The following LTBP1 variants were observed in gnomAD, a reference collection of about 807,000 sequenced individuals.
LTBP1 encodes the protein latent transforming growth factor beta binding protein 1.
In LTBP1, 129 loss-of-function variants were observed where a neutral mutation model predicts 207.6. The ratio of observed to expected loss-of-function variants is 0.62; its 90% CI spans 0.54 to 0.72. The LOEUF (loss-of-function observed/expected upper bound fraction) is 0.72, where lower values mean the gene tolerates loss of function less well. LTBP1 is among the 30% of genes least tolerant of loss of function. LTBP1 has a pLI of 0.00. For missense variants in LTBP1, 2,281 were observed against 2,217.2 expected, an observed-to-expected ratio of 1.03 and a Z score of -0.58; for synonymous variants, 963 against 833.7, an observed-to-expected ratio of 1.16 and a Z score of -2.67.
At chr2:32,984,675 A>G (rs1389794742) in intron 2 of LTBP1, among the ~76,000 whole-genome samples, 1 of 151,684 alleles carries the variant, frequency 6.6e-6, no homozygotes, top group Non-Finnish European at 1.5e-5. Flanking sequence ...TAATCCCAGC[A>G]CTTTGGAGGC....
chr2:33,349,656 T>G (rs1390511882), intron 26 of LTBP1, among the ~76,000 whole-genome samples: 2 of 152,192 alleles, frequency 1.3e-5, no homozygotes, highest in African/African-American at 2.4e-5. Context: ...TTTTACAGTT[T>G]TTCTCAATTT....
intron 5 of LTBP1, among the ~76,000 whole-genome samples, chr2:33,148,718 T>C (rs1453008791): frequency 1.3e-5 from 2 of 152,214 alleles, no homozygotes; most frequent in African/African-American, 4.8e-5. Context: ...TCTGAAATAT[T>C]TGGTTCACAC....
intron 11 of LTBP1, among the ~76,000 whole-genome samples, chr2:33,254,851 GGTTTTTTTTTTTT>G (rs1429112888): frequency 2.4e-3 from 17 of 7,046 alleles, no homozygotes; most frequent in Non-Finnish European, 3.6e-3. Flanking sequence ...TGCGGTGTTT[GGTTTTTTTTTTTT>G]TTTTTTTTTT....
chr2:33,096,800 A>G (rs2079423345), intron 3 of LTBP1, among the ~76,000 whole-genome samples: 2 of 152,180 alleles, frequency 1.3e-5, no homozygotes, highest in Admixed American at 1.3e-4. Flanking sequence ...AGTTCTAGCT[A>G]CTCAGAAGGC....
chr2:33,256,710 G>T, intron 11 of LTBP1, among the ~76,000 whole-genome samples: 1 of 93,098 alleles, frequency 1.1e-5, no homozygotes, highest in Non-Finnish European at 2.1e-5. Context: ...GATATATATG[G>T]GATGGAGGGC....
intron 13 of LTBP1, among the ~76,000 whole-genome samples, chr2:33,261,424 A>C (rs1004660700): frequency 2.0e-5 from 3 of 152,240 alleles, no homozygotes; most frequent in Admixed American, 6.5e-5. Flanking sequence ...TTAAGTGCTC[A>C]GTATTTGTAG....
intron 2 of LTBP1, among the ~76,000 whole-genome samples, chr2:32,998,433 T>C (rs1685613998): frequency 7.1e-6 from 1 of 140,838 alleles, no homozygotes; most frequent in East Asian, 2.1e-4. Context: ...GGAGAATCGC[T>C]TGAACCCAGG....
Position 33,262,837 on chromosome 2 carries a change from C to T in LTBP1, c.2518+16C>T, listed in dbSNP as rs1007803581. On this transcript the variant is annotated intron_variant, in intron 14 of 33. Coordinates refer to ENST00000404816, the MANE Select transcript of LTBP1 (RefSeq NM_206943.4). ...CAGTTTCCAGGTAGCCTGTGTTGAT[C>T]TGTGCTGTTTGTCAGAGTATTCTGA... The T allele has an allele frequency of 5.8e-6, 9 of 1,563,842 alleles. No individual in the cohort carries two copies. The highest frequency in any genetic ancestry group is 7.9e-6 in the Non-Finnish European group (9 of 1,143,418).
In LTBP1 at chr2:33,178,227, T is replaced by G. The variant is rs17012645; in HGVS notation, c.1202-8629T>G. 9.4e-3 allele frequency among the ~76,000 whole-genome samples: 1,438 copies of G among 152,200 alleles called. 24 individuals carry two copies. The highest frequency in any genetic ancestry group is 0.033 in the African/African-American group (1,369 of 41,512). The stretch of plus-strand genomic sequence containing the variant: ...TCCTAAGGGGGACAGAGCCTTGAGG[T>G]TTAGGAATCATTAGGAGAGAGCGAC... On this transcript the variant is annotated intron_variant, in intron 5 of 33. Transcript: ENST00000404816.
chr2:33,325,414 G>C (rs995108321), intron 24 of LTBP1, among the ~76,000 whole-genome samples: 1 of 152,186 alleles, frequency 6.6e-6, no homozygotes, highest in African/African-American at 2.4e-5. Context: ...TGATATGTTT[G>C]GCCTGTCTGT....
At chr2:33,217,247 G>T (rs1440282605) in intron 7 of LTBP1, among the ~76,000 whole-genome samples, 1 of 152,134 alleles carries the variant, frequency 6.6e-6, no homozygotes, top group South Asian at 2.1e-4. Context: ...TACACACTAT[G>T]AGGCTCTTAT....
intron 24 of LTBP1, among the ~76,000 whole-genome samples, chr2:33,340,781 G>A (rs2094609464): frequency 6.6e-6 from 1 of 152,058 alleles, no homozygotes; most frequent in African/African-American, 2.4e-5. Context: ...CTTTGTACGT[G>A]TTATTTTGTT....
intron 24 of LTBP1, among the ~76,000 whole-genome samples, chr2:33,321,879 TAAAG>T (rs916132094): frequency 2.0e-5 from 3 of 152,108 alleles, no homozygotes; most frequent in African/African-American, 7.2e-5. Flanking sequence ...ACATTCTAGG[TAAAG>T]AAAGAAAGTG....
At chr2:33,303,776 G>A (rs186790259) in intron 22 of LTBP1, among the ~76,000 whole-genome samples, 19 of 152,300 alleles carry the variant, frequency 1.2e-4, no homozygotes, top group South Asian at 6.2e-4. Context: ...GAGCTCAGGC[G>A]GTAATGCTCG....
At chr2:33,374,373 A>G (rs2095109975) in intron 31 of LTBP1, among the ~76,000 whole-genome samples, 1 of 152,082 alleles carries the variant, frequency 6.6e-6, no homozygotes, top group African/African-American at 2.4e-5. Flanking sequence ...CCTCTTCGTG[A>G]GGTTATGATA....
intron 2 of LTBP1, among the ~76,000 whole-genome samples, chr2:33,003,209 C>T (rs528173474): frequency 2.6e-5 from 4 of 152,288 alleles, no homozygotes; most frequent in Admixed American, 6.5e-5. Flanking sequence ...ACAAAACGAC[C>T]TGCTCAAATG....
chr2:33,363,073 T>C (rs1273006796), intron 28 of LTBP1, among the ~76,000 whole-genome samples: 3 of 152,214 alleles, frequency 2.0e-5, no homozygotes, highest in Admixed American at 6.5e-5. Context: ...TATATCCTTT[T>C]GTTGATGCCA....
At chr2:33,001,843 A>G (rs1686093940) in intron 2 of LTBP1, among the ~76,000 whole-genome samples, 1 of 135,360 alleles carries the variant, frequency 7.4e-6, no homozygotes, top group Non-Finnish European at 1.6e-5. Context: ...CCATAAAGGC[A>G]AATATTTTGT....
chr2:33,313,709 C>T (rs941564343), intron 23 of LTBP1, among the ~76,000 whole-genome samples: 1 of 152,192 alleles, frequency 6.6e-6, no homozygotes, highest in Non-Finnish European at 1.5e-5. Flanking sequence ...GAACCTTCAC[C>T]AGTCACCATT....
Sources: gnomAD v4.1 joint callset for allele counts (sites outside exome capture counted in the v4.1 genomes callset) on GRCh38, gnomAD v4.1.1 for gene constraint, MANE v1.5 for transcripts, NCBI Gene and HGNC (gene_info 2026-07-23, HGNC 2026-07-21) for gene names.